Variants in MAML3 observed in about 807,000 individuals in gnomAD.
MAML3 encodes the protein mastermind like transcriptional coactivator 3.
In MAML3, 27 loss-of-function variants were observed where a neutral mutation model predicts 101.9. That is an observed-to-expected ratio of 0.27 (90% confidence interval 0.20 to 0.37). The LOEUF (loss-of-function observed/expected upper bound fraction) is 0.37. Among genes scored for constraint, MAML3 ranks in the 10% least tolerant of loss-of-function variants. The pLI, the probability that MAML3 is intolerant of heterozygous loss-of-function variation, is 1.00. For missense variants in MAML3, 1,316 were observed against 1,444.9 expected, an observed-to-expected ratio of 0.91 and a Z score of 1.45; for synonymous variants, 501 against 555.9, an observed-to-expected ratio of 0.90 and a Z score of 1.39.
intron 1 of MAML3, among the ~76,000 whole-genome samples, chr4:140,005,697 G>A (rs1378222338): frequency 6.6e-6 from 1 of 152,208 alleles, no homozygotes; most frequent in African/African-American, 2.4e-5. Flanking sequence ...CATACATCCT[G>A]GAGATGAACT....
rs377078289 is a variant in MAML3 at position 140,035,782 on chromosome 4, CAA to C, written c.468+117076_468+117077del. Among the ~76,000 whole-genome samples, 733 of 124,570 alleles carry C rather than the reference CAA, an allele frequency of 5.9e-3. 9 individuals carry two copies. The highest frequency in any genetic ancestry group is 0.015 in the African/African-American group (529 of 34,752). 81.7% of individuals were successfully genotyped at this position (124,570 alleles called of 152,430 possible). On this transcript the variant is annotated intron_variant, in intron 1 of 4. Transcript: ENST00000509479. ...TGGGCAACAGAGCGAGACTCCGTCT[CAA>C]AAAAAAAAAAAAACCCAAAAACAAA...
At chr4:139,959,471 T>C (rs1331339459) in intron 1 of MAML3, among the ~76,000 whole-genome samples, 2 of 152,222 alleles carry the variant, frequency 1.3e-5, no homozygotes, top group African/African-American at 4.8e-5. Context: ...TACTGCTCTA[T>C]GGCAGAAAAG....
intron 1 of MAML3, among the ~76,000 whole-genome samples, chr4:140,032,628 G>A (rs1726925489): frequency 6.6e-6 from 1 of 152,016 alleles, no homozygotes; most frequent in Non-Finnish European, 1.5e-5. Context: ...CCATATCAAT[G>A]ATACAAATGG....
intron 2 of MAML3, among the ~76,000 whole-genome samples, chr4:139,830,894 A>G (rs537895329): frequency 1.2e-4 from 18 of 152,284 alleles, no homozygotes; most frequent in African/African-American, 4.1e-4. Context: ...TAGTTATACT[A>G]GCAATGGAGG....
chr4:139,776,758 G>A (rs1730104444), intron 2 of MAML3, among the ~76,000 whole-genome samples: 1 of 79,518 alleles, frequency 1.3e-5, no homozygotes, highest in South Asian at 3.4e-4. Context: ...GCCAGATATG[G>A]CTTCCTGGGA....
chr4:139,885,962 G>GAGAAAA (rs1732330434), intron 2 of MAML3, among the ~76,000 whole-genome samples: 5 of 118,718 alleles, frequency 4.2e-5, no homozygotes, highest in African/African-American at 1.5e-4. Flanking sequence ...AAAAAAGAAA[G>GAGAAAA]AGAAAAAAAG....
At chr4:140,102,996 C>T (rs1442442103) in intron 1 of MAML3, among the ~76,000 whole-genome samples, 1 of 152,166 alleles carries the variant, frequency 6.6e-6, no homozygotes, top group African/African-American at 2.4e-5. Flanking sequence ...CAAACCTATT[C>T]TGTGGCCAAA....
chr4:139,717,397 C>CTCTT lies in MAML3; in HGVS notation c.*1922_*1925dup, dbSNP rs1728022695. 1 of 152,208 alleles carries CTCTT rather than the reference C, an allele frequency of 6.6e-6. No individual in the cohort carries two copies. Among genetic ancestry groups the CTCTT allele is most frequent in the Non-Finnish European group, 1.5e-5 (1 of 68,026 alleles). 9.4% of individuals were successfully genotyped at this position (152,208 alleles called of 1,614,324 possible). On this transcript the variant is annotated 3_prime_UTR_variant, in exon 5 of 5. Transcript: ENST00000509479. ...TTTGTTTGCTTTTTTTTGGTTTCAT[C>CTCTT]TCTTTGATCCACTCAGTTTCCCCAG...
intron 2 of MAML3, among the ~76,000 whole-genome samples, chr4:139,847,922 T>C (rs1228857098): frequency 2.0e-5 from 3 of 152,296 alleles, no homozygotes; most frequent in African/African-American, 4.8e-5. Context: ...GTTTATTTGG[T>C]GGTATGTTTG....
In MAML3 at chr4:139,890,193, C is replaced by A. The variant is rs1732444233; in HGVS notation, c.1243G>T (p.Val415Phe). The A allele has an allele frequency of 6.2e-7, 1 of 1,613,380 alleles. No homozygotes were observed. Among genetic ancestry groups the A allele is most frequent in the Non-Finnish European group, 8.5e-7 (1 of 1,179,884 alleles). ...TGGTTTGGAGTTTGAGGGGACTGGACAGCACAGTTTGCTGGTGAGCTTGCA... is the reference window on the plus strand; with the variant it reads ...TGGTTTGGAGTTTGAGGGGACTGGAAAGCACAGTTTGCTGGTGAGCTTGCA... ...NPASSPANCA[V>F]QSPQTPNQAH... Residue 415 changes from valine (V) to phenylalanine (F), a missense_variant, in exon 2 of 5, where the codon GTC becomes TTC. By Grantham distance (50) the Val-to-Phe change is conservative. Coordinates refer to ENST00000509479, the MANE Select transcript of MAML3 (RefSeq NM_018717.5). The surrounding 1 kb of genome is among the most constrained non-coding windows in gnomAD (Gnocchi z 4.1).
chr4:140,031,680 G>A (rs1352360824), intron 1 of MAML3, among the ~76,000 whole-genome samples: 2 of 152,192 alleles, frequency 1.3e-5, no homozygotes, highest in Non-Finnish European at 2.9e-5. Flanking sequence ...TAGTGGCATG[G>A]AAACTTTTAT....
At chr4:140,003,425 G>T (rs1250811606) in intron 1 of MAML3, among the ~76,000 whole-genome samples, 250 of 152,068 alleles carry the variant, frequency 1.6e-3, no homozygotes, top group Non-Finnish European at 3.8e-4. Context: ...AGTATTGGGG[G>T]GTAATAGGCT....
intron 2 of MAML3, among the ~76,000 whole-genome samples, chr4:139,859,444 C>T (rs1024112108): frequency 3.3e-5 from 5 of 151,320 alleles, no homozygotes; most frequent in Non-Finnish European, 7.4e-5. Context: ...TGGGCTCAAG[C>T]GACCCACCTG....
At chr4:140,132,641 T>A (rs1039984257) in intron 1 of MAML3, among the ~76,000 whole-genome samples, 3 of 152,248 alleles carry the variant, frequency 2.0e-5, no homozygotes, top group African/African-American at 7.2e-5. Context: ...GAAGGCAACG[T>A]CTGCAAGCAA....
At chr4:139,842,081 C>T (rs1731372959) in intron 2 of MAML3, among the ~76,000 whole-genome samples, 2 of 152,162 alleles carry the variant, frequency 1.3e-5, no homozygotes, top group Admixed American at 6.5e-5. Flanking sequence ...GAGTTCACTG[C>T]AGGCTGGGGG....
intron 2 of MAML3, among the ~76,000 whole-genome samples, chr4:139,861,787 A>G (rs1255384385): frequency 1.3e-5 from 2 of 151,982 alleles, no homozygotes; most frequent in African/African-American, 4.8e-5. Context: ...CCAGAAACGA[A>G]TCTGATTATG....
chr4:139,941,030 C>A lies in MAML3; in HGVS notation c.469-50063G>T, dbSNP rs1295589598. ...CATTTGTGTTCGTTCAATTTACAAT[C>A]ATAAATTAAAATGTTCAAATGTTCT... On this transcript the variant is annotated intron_variant, in intron 1 of 4. Transcript: ENST00000509479. Among the ~76,000 whole-genome samples, 7 of 152,188 alleles carry A rather than the reference C, an allele frequency of 4.6e-5. No individual in the cohort carries two copies. In the East Asian group the frequency reaches 1.3e-3, roughly 29 times the overall value.
rs1471973017 is a variant in MAML3 at position 139,718,834 on chromosome 4, C to A, written c.*489G>T. 6.2e-6 allele frequency: 1 copy of A among 160,354 alleles called. No individual in the cohort carries two copies. Among genetic ancestry groups the A allele is most frequent in the African/African-American group, 2.4e-5 (1 of 41,546 alleles). 9.9% of individuals were successfully genotyped at this position (160,354 alleles called of 1,614,324 possible). A position where few individuals can be genotyped will look rare whatever the true frequency, so the allele number is the denominator to read the frequency against. Reference sequence around the variant, plus strand: ...ACCCAGAGTTCAGTGCATTTCCAACCTGTGCACCTGGCCTGTGCAACCACC... The same window carrying A: ...ACCCAGAGTTCAGTGCATTTCCAACATGTGCACCTGGCCTGTGCAACCACC... On this transcript the variant is annotated 3_prime_UTR_variant, in exon 5 of 5. Transcript: ENST00000509479.
intron 2 of MAML3, among the ~76,000 whole-genome samples, chr4:139,763,478 T>C (rs761139213): frequency 3.9e-5 from 6 of 152,158 alleles, no homozygotes; most frequent in Non-Finnish European, 8.8e-5. Flanking sequence ...CACCAGGGCT[T>C]CTGGTCAGTT....
Sources: allele counts gnomAD v4.1 joint callset (sites outside exome capture counted in the v4.1 genomes callset), GRCh38; gene constraint gnomAD v4.1.1; non-coding constraint Gnocchi (gnomAD v3.1); transcripts MANE v1.5; gene names NCBI Gene and HGNC (gene_info 2026-07-23, HGNC 2026-07-21).